Variants in TAFA1 observed in about 807,000 individuals in gnomAD.
TAFA1 encodes TAFA chemokine like family member 1.
TAFA1 carries 4 observed loss-of-function variants against 18.5 expected under a neutral mutation model. The ratio of observed to expected loss-of-function variants is 0.22; its 90% CI spans 0.11 to 0.49. The LOEUF (loss-of-function observed/expected upper bound fraction) is 0.49, where lower values mean the gene tolerates loss of function less well. TAFA1 is among the 20% of genes least tolerant of loss of function. The probability of loss-of-function intolerance (pLI) is 0.98; values close to 1 mark genes in which losing one functional copy is unlikely to be tolerated. For missense variants in TAFA1, 147 were observed against 169.0 expected, an observed-to-expected ratio of 0.87 and a Z score of 0.72; for synonymous variants, 56 against 55.2, an observed-to-expected ratio of 1.01 and a Z score of -0.06.
At chr3:68,178,138 C>T (rs2066148860) in intron 2 of TAFA1, among the ~76,000 whole-genome samples, 1 of 145,328 alleles carries the variant, frequency 6.9e-6, no homozygotes, top group Non-Finnish European at 1.5e-5. Flanking sequence ...TGCGAGACTC[C>T]ATCCCCCCCT....
chr3:68,141,609 C>T (rs1416617929), intron 2 of TAFA1, among the ~76,000 whole-genome samples: 1 of 152,110 alleles, frequency 6.6e-6, no homozygotes, highest in Non-Finnish European at 1.5e-5. Context: ...AATACCTATA[C>T]CAGAGTTATT....
chr3:68,187,982 T>C (rs2066290779), intron 2 of TAFA1, among the ~76,000 whole-genome samples: 1 of 152,002 alleles, frequency 6.6e-6, no homozygotes, highest in Non-Finnish European at 1.5e-5. Context: ...TCTGTTTACA[T>C]TTCTTGCCTA....
chr3:68,075,698 C>T (rs368898325), intron 2 of TAFA1, among the ~76,000 whole-genome samples: 4,448 of 139,418 alleles, frequency 0.032, 240 homozygotes, highest in African/African-American at 0.11. Context: ...TCTTCTTTCC[C>T]TTTTTTTTTT....
the TAFA1 span, among the ~76,000 whole-genome samples, chr3:67,993,440 T>A: frequency 2.6e-5 from 4 of 152,226 alleles, no homozygotes. Context: ...TATTTTCCAA[T>A]GATCTGGGAA....
rs563885185 is a variant in TAFA1, at chr3:68,370,253, A to C, written c.119-47027A>C. ...CAGTGAGCCAAGGTCACGCCACTTC[A>C]TTCCAGCCTGGGCGACAAGGGAGAC... On this transcript the variant is annotated intron_variant, in intron 2 of 4. Coordinates refer to ENST00000478136, the MANE Select transcript of TAFA1 (RefSeq NM_213609.4). Among the ~76,000 whole-genome samples the C allele has an allele frequency of 5.5e-5, 6 of 109,842 alleles. No homozygotes were observed. The East Asian group carries it at 1.6e-3, about 30-fold the overall frequency. The allele number at this position is 109,842 out of a possible 152,430, so 72.1% of individuals were successfully genotyped here.
At chr3:68,354,517 C>T (rs1381131007) in intron 2 of TAFA1, among the ~76,000 whole-genome samples, 2 of 151,984 alleles carry the variant, frequency 1.3e-5, no homozygotes, top group African/African-American at 4.8e-5. Context: ...CCTCCTCTTG[C>T]TATACAGTGA....
intron 2 of TAFA1, among the ~76,000 whole-genome samples, chr3:68,117,026 G>A (rs1003142015): frequency 1.3e-5 from 2 of 152,102 alleles, no homozygotes; most frequent in African/African-American, 4.8e-5. Flanking sequence ...GCGTAGAGTG[G>A]GCTCTCTACA....
intron 2 of TAFA1, among the ~76,000 whole-genome samples, chr3:68,022,844 A>ATATATAATATATATAT (rs1236980982): frequency 1.2e-3 from 3 of 2,568 alleles, no homozygotes; most frequent in Non-Finnish European, 7.1e-3. Flanking sequence ...TATATATATT[A>ATATATAATATATATAT]TATATATATA....
At chr3:68,072,376 C>A (rs116428718) in intron 2 of TAFA1, among the ~76,000 whole-genome samples, 2 of 152,070 alleles carry the variant, frequency 1.3e-5, no homozygotes, top group African/African-American at 4.8e-5. Flanking sequence ...GAGTTTTATA[C>A]TGTGAATTTT....
At chr3:68,479,241 A>AAAATATATATAT (rs1353493315) in intron 3 of TAFA1, among the ~76,000 whole-genome samples, 8 of 123,674 alleles carry the variant, frequency 6.5e-5, no homozygotes, top group African/African-American at 2.2e-4. Flanking sequence ...AAAAAAAAAA[A>AAAATATATATAT]ATATATATAT....
rs148088933 is a variant in TAFA1 at position 68,371,197 on chromosome 3, G to A, written c.119-46083G>A. 9.8e-3 allele frequency among the ~76,000 whole-genome samples: 1,493 copies of A among 152,068 alleles called. 16 individuals carry two copies. Among genetic ancestry groups the A allele is most frequent in the Middle Eastern group, 0.034 (10 of 294 alleles). On this transcript the variant is annotated intron_variant, in intron 2 of 4. Coordinates refer to ENST00000478136, the MANE Select transcript of TAFA1 (RefSeq NM_213609.4). ...GTTTTTTCATTGGTAAACTGCAGAC[G>A]ATTCTTATTTCTTTTTTTCATTTTT...
intron 2 of TAFA1, among the ~76,000 whole-genome samples, chr3:68,397,672 T>A (rs531773537): frequency 1.3e-5 from 2 of 152,222 alleles, no homozygotes; most frequent in African/African-American, 4.8e-5. Context: ...CCTTTGAGTG[T>A]ATACCCAGTA....
chr3:68,347,016 G>T (rs201966524), intron 2 of TAFA1, among the ~76,000 whole-genome samples: 23 of 147,162 alleles, frequency 1.6e-4, no homozygotes, highest in Admixed American at 2.0e-4. Context: ...CATTAGTCCA[G>T]CCTGTTTTCT....
chr3:68,231,570 C>T (rs1293499075), intron 2 of TAFA1, among the ~76,000 whole-genome samples: 4 of 150,970 alleles, frequency 2.6e-5, no homozygotes, highest in African/African-American at 9.7e-5. Context: ...CCTTGTTAGC[C>T]AGGATGGTCT....
At chr3:68,438,610 A>G (rs1408451206) in intron 3 of TAFA1, among the ~76,000 whole-genome samples, 2 of 151,750 alleles carry the variant, frequency 1.3e-5, no homozygotes, top group Non-Finnish European at 2.9e-5. Context: ...AGCACCTTCA[A>G]CGCACCTTTC....
chr3:68,377,779 C>T (rs2069848066), intron 2 of TAFA1, among the ~76,000 whole-genome samples: 1 of 152,098 alleles, frequency 6.6e-6, no homozygotes, highest in African/African-American at 2.4e-5. Flanking sequence ...GATTTGGGTC[C>T]AGAGTCCTGT....
Position 68,272,630 on chromosome 3 carries a change from C to T in TAFA1, c.119-144650C>T, listed in dbSNP as rs187950222. ...AAGAATACCAGCAGTTTTTGTGACA[C>T]TTGTGGAAATTCATCTGCCTGGGCG... On this transcript the variant is annotated intron_variant, in intron 2 of 4. Transcript: ENST00000478136. 1.4e-3 allele frequency among the ~76,000 whole-genome samples: 218 copies of T among 152,220 alleles called. 1 individual carries two copies. The highest frequency in any genetic ancestry group is 5.0e-3 in the African/African-American group (208 of 41,556).
intron 3 of TAFA1, among the ~76,000 whole-genome samples, chr3:68,420,245 T>C (rs2070928696): frequency 6.6e-6 from 1 of 152,126 alleles, no homozygotes; most frequent in Admixed American, 6.6e-5. Flanking sequence ...TTATATGCCA[T>C]GGGAAGGTCA....
In TAFA1 at chr3:68,188,518, T is replaced by G. The variant is rs111317488; in HGVS notation, c.118+181774T>G. ...ATGTGTATATATATTTATATATATA[T>G]ATATAGAGAGAGAGAGAGAGAGAGT... On this transcript the variant is annotated intron_variant, in intron 2 of 4. Transcript: ENST00000478136. Among the ~76,000 whole-genome samples, 1,097 of 146,970 alleles carry G rather than the reference T, an allele frequency of 7.5e-3. 9 individuals carry two copies. The highest frequency in any genetic ancestry group is 0.011 in the Non-Finnish European group (736 of 66,888).
Sources: gnomAD v4.1 joint callset for allele counts (sites outside exome capture counted in the v4.1 genomes callset) on GRCh38, gnomAD v4.1.1 for gene constraint, MANE v1.5 for transcripts, NCBI Gene and HGNC (gene_info 2026-07-23, HGNC 2026-07-21) for gene names.